ATP13A3: variants seen among roughly 807,000 people sequenced by gnomAD.
ATP13A3 encodes polyamine-transporting ATPase 13A3.
A neutral mutation model predicts 158.1 loss-of-function variants in ATP13A3; 59 were observed. The ratio of observed to expected loss-of-function variants is 0.37; its 90% CI spans 0.30 to 0.46. The LOEUF (loss-of-function observed/expected upper bound fraction) is 0.46, where lower values mean the gene tolerates loss of function less well. ATP13A3 is among the 20% of genes least tolerant of loss of function. The probability of loss-of-function intolerance (pLI) is 1.00; values close to 1 mark genes in which losing one functional copy is unlikely to be tolerated. For synonymous variants in ATP13A3, 491 were observed against 504.3 expected (o/e 0.97, Z 0.35); for missense variants, 1,166 against 1,525.2 (o/e 0.76, Z 3.92).
At chr3:194,416,065 T>C (rs1323209958) in intron 31 of ATP13A3, among the ~76,000 whole-genome samples, 1 of 152,220 alleles carries the variant, frequency 6.6e-6, no homozygotes, top group Non-Finnish European at 1.5e-5. Flanking sequence ...GAATTTATTC[T>C]AGAAATGCAA....
At chr3:194,411,189 G>T (rs996392600) in intron 33 of ATP13A3, among the ~76,000 whole-genome samples, 40 of 152,190 alleles carry the variant, frequency 2.6e-4, no homozygotes, top group African/African-American at 9.6e-4. Flanking sequence ...AGGACATCAG[G>T]CCTGCTGGAT....
chr3:194,457,936 C>A (rs543952132), intron 6 of ATP13A3, among the ~76,000 whole-genome samples: 1 of 152,130 alleles, frequency 6.6e-6, no homozygotes, highest in East Asian at 1.9e-4. Context: ...CAGGCACACA[C>A]CACCATGCCT....
intron 30 of ATP13A3, among the ~76,000 whole-genome samples, chr3:194,422,130 GAA>G (rs931483444): frequency 2.0e-5 from 3 of 146,380 alleles, no homozygotes; most frequent in African/African-American, 7.5e-5. Flanking sequence ...TAGCCTGGAG[GAA>G]AAAAAAAAGG....
chr3:194,445,120 C>A (rs1215807064), intron 14 of ATP13A3, among the ~76,000 whole-genome samples: 4 of 151,694 alleles, frequency 2.6e-5, no homozygotes, highest in Admixed American at 6.6e-5. Flanking sequence ...ATAAAGGATG[C>A]CTATAAAGCA....
At chr3:194,429,016 C>A in intron 27 of ATP13A3, 99 bp from the exon 28 acceptor site, 1 of 722,990 alleles carries the variant, frequency 1.4e-6, no homozygotes, top group Non-Finnish European at 2.2e-6. Context: ...ATAATGACAA[C>A]TTAAAAATGA....
chr3:194,447,580 G>T (rs375706418), intron 13 of ATP13A3, among the ~76,000 whole-genome samples: 3 of 142,774 alleles, frequency 2.1e-5, no homozygotes, highest in Admixed American at 1.4e-4. Flanking sequence ...TTTTTTTCCT[G>T]TTTTTTTTTT....
chr3:194,462,342 G>T (rs1719721636), intron 2 of ATP13A3, 106 bp from the exon 3 acceptor site: 4 of 701,562 alleles, frequency 5.7e-6, no homozygotes, highest in South Asian at 1.8e-5. Context: ...CCCAACCCCT[G>T]GGTCACGGAC....
chr3:194,452,321 T>A (rs1345349742), intron 10 of ATP13A3: 2 of 152,212 alleles, frequency 1.3e-5, no homozygotes, highest in Non-Finnish European at 2.9e-5. Context: ...TAACACCCTG[T>A]TTCTACTAAA....
intron 2 of ATP13A3, among the ~76,000 whole-genome samples, chr3:194,485,082 A>C (rs1344808400): frequency 6.6e-5 from 10 of 151,990 alleles, no homozygotes; most frequent in Admixed American, 6.6e-4. Context: ...AATTTAAAGC[A>C]ACCAAATAGT....
intron 33 of ATP13A3, among the ~76,000 whole-genome samples, chr3:194,408,157 C>T (rs1964009): frequency 0.37 from 56,616 of 151,520 alleles, 14,081 homozygotes; most frequent in African/African-American, 0.72. Context: ...GTAGCTGGGA[C>T]TACAGGCACG....
chr3:194,459,658 T>C, intron 5 of ATP13A3, 117 bp from the exon 6 acceptor site: 5 of 1,120,598 alleles, frequency 4.5e-6, no homozygotes, highest in Non-Finnish European at 6.3e-6. Flanking sequence ...TATAGTAATA[T>C]GTAATATTTT....
rs563564186 is a variant in ATP13A3, at chr3:194,448,892, T to C, written c.971-256A>G. Among the ~76,000 whole-genome samples the C allele has an allele frequency of 1.3e-4, 20 of 152,190 alleles. No homozygotes were observed. The highest frequency in any genetic ancestry group is 6.2e-4 in the South Asian group (3 of 4,832). The stretch of plus-strand genomic sequence containing the variant: ...GTGATTTGTGGCTCAAAGGTAATAT[T>C]TGTTTATATTTAGAAACAGTTGCAT... On this transcript the variant is annotated intron_variant, in intron 11 of 33. Transcript: ENST00000645319. The surrounding 1 kb of genome is among the most constrained non-coding windows in gnomAD (Gnocchi z 4.0).
intron 29 of ATP13A3, among the ~76,000 whole-genome samples, chr3:194,426,738 G>A (rs529553600): frequency 5.1e-4 from 78 of 152,268 alleles, no homozygotes; most frequent in African/African-American, 1.8e-3. Context: ...TTGGCTCACT[G>A]CAACCTCTGC....
Position 194,431,838 on chromosome 3 carries a change from G to A in ATP13A3, c.2300C>T (p.Pro767Leu). ...TTCAGCAATAATCACTTTATCCTGA[G>A]GTAGAATCATTCCACAATCTCTGGC... ...SVARDCGMIL[P>L]QDKVIIAEAL... Residue 767 changes from proline (P) to leucine (L), a missense_variant, in exon 22 of 34, where the codon CCT becomes CTT. Coordinates refer to ENST00000645319, the MANE Select transcript of ATP13A3 (RefSeq NM_001367549.1). 6.2e-7 allele frequency: 1 copy of A among 1,610,596 alleles called. No homozygotes were observed. The highest frequency in any genetic ancestry group is 8.5e-7 in the Non-Finnish European group (1 of 1,178,850).
upstream of ATP13A3, among the ~76,000 whole-genome samples, chr3:194,487,154 A>G (rs1721049016): frequency 6.6e-6 from 1 of 152,084 alleles, no homozygotes; most frequent in South Asian, 2.1e-4. Context: ...TCGAACGGGC[A>G]AAAGAAAGAA....
rs370056574 is a variant in ATP13A3 at position 194,465,805 on chromosome 3, A to AACAC, written c.-46-3573_-46-3570dup. Among the ~76,000 whole-genome samples the AACAC allele has an allele frequency of 5.3e-3, 782 of 148,716 alleles. 5 individuals carry two copies. Among genetic ancestry groups the AACAC allele is most frequent in the East Asian group, 0.016 (80 of 5,074 alleles). On this transcript the variant is annotated intron_variant, in intron 2 of 33. Coordinates refer to ENST00000645319, the MANE Select transcript of ATP13A3 (RefSeq NM_001367549.1). ...ATGGTGAAACCCCATCTCTACTAAA[A>AACAC]ACACACACACACACACACACACAAA...
At chr3:194,435,347 C>T (rs1429903312) in intron 20 of ATP13A3, among the ~76,000 whole-genome samples, 1 of 152,214 alleles carries the variant, frequency 6.6e-6, no homozygotes, top group Non-Finnish European at 1.5e-5. Context: ...CTAACTCTCT[C>T]ACACCGTATG....
In ATP13A3 at chr3:194,405,882, T is replaced by A. The variant is rs987785787; in HGVS notation, c.*37A>T. The A allele has an allele frequency of 1.3e-5, 21 of 1,596,270 alleles. No individual in the cohort carries two copies. Among genetic ancestry groups the A allele is most frequent in the Non-Finnish European group, 1.7e-5 (20 of 1,164,006 alleles). On this transcript the variant is annotated 3_prime_UTR_variant, in exon 34 of 34. Coordinates refer to ENST00000645319, the MANE Select transcript of ATP13A3 (RefSeq NM_001367549.1). Reference sequence around the variant, plus strand: ...ACTCCTAAAATCACATATTCCTGAATACTGCTATCAGCAATACCACTGAGA... The same window carrying A: ...ACTCCTAAAATCACATATTCCTGAAAACTGCTATCAGCAATACCACTGAGA...
At chr3:194,411,977 T>A (rs1715469495) in intron 33 of ATP13A3, among the ~76,000 whole-genome samples, 1 of 152,198 alleles carries the variant, frequency 6.6e-6, no homozygotes. Flanking sequence ...AAATTTCTGA[T>A]CTTGAAAAGC....
Sources: allele counts gnomAD v4.1 joint callset (sites outside exome capture counted in the v4.1 genomes callset), GRCh38; gene constraint gnomAD v4.1.1; non-coding constraint Gnocchi (gnomAD v3.1); transcripts MANE v1.5; gene names NCBI Gene and HGNC (gene_info 2026-07-23, HGNC 2026-07-21).